HS3ST5: variants seen among roughly 807,000 people sequenced by gnomAD.
HS3ST5 encodes heparan sulfate glucosamine 3-O-sulfotransferase 5.
In HS3ST5, 10 loss-of-function variants were observed where a neutral mutation model predicts 25.4. The ratio of observed to expected loss-of-function variants is 0.39; its 90% CI spans 0.24 to 0.67. The LOEUF is 0.67. HS3ST5 is among the 30% of genes least tolerant of loss of function. The pLI is 0.44. For synonymous variants in HS3ST5, 170 were observed against 162.4 expected (o/e 1.05, Z -0.36); for missense variants, 324 against 420.7 (o/e 0.77, Z 2.01).
intron 3 of HS3ST5, among the ~76,000 whole-genome samples, chr6:114,095,223 G>T (rs1775358745): frequency 6.6e-6 from 1 of 152,200 alleles, no homozygotes; most frequent in African/African-American, 2.4e-5. Context: ...TGTATAAACA[G>T]TGATTAGTGC....
intron 2 of HS3ST5, among the ~76,000 whole-genome samples, chr6:114,207,901 A>G (rs1781346492): frequency 6.6e-6 from 1 of 152,126 alleles, no homozygotes; most frequent in Non-Finnish European, 1.5e-5. Context: ...TGTAATTCTG[A>G]GGGAAGTTTG....
chr6:114,325,264 G>C (rs549568039), intron 1 of HS3ST5, among the ~76,000 whole-genome samples: 1 of 152,252 alleles, frequency 6.6e-6, no homozygotes, highest in African/African-American at 2.4e-5. Flanking sequence ...AATTGATGAA[G>C]GGTTAAAATA....
chr6:114,262,674 A>G (rs1402526729), intron 1 of HS3ST5, among the ~76,000 whole-genome samples: 2 of 152,182 alleles, frequency 1.3e-5, no homozygotes, highest in East Asian at 3.8e-4. Context: ...TTCATATTAT[A>G]CATATATTTA....
intron 1 of HS3ST5, among the ~76,000 whole-genome samples, chr6:114,245,249 T>C (rs892495941): frequency 4.6e-5 from 7 of 152,162 alleles, no homozygotes; most frequent in African/African-American, 1.7e-4. Flanking sequence ...AAGATAAATA[T>C]GCTTTTCTGG....
intron 1 of HS3ST5, among the ~76,000 whole-genome samples, chr6:114,265,967 T>C (rs1204056461): frequency 1.3e-5 from 2 of 152,284 alleles, no homozygotes; most frequent in South Asian, 2.1e-4. Flanking sequence ...TGTCCATGAC[T>C]CCCACATTGA....
chr6:114,099,523 T>C (rs943233013), intron 3 of HS3ST5, among the ~76,000 whole-genome samples: 5 of 152,154 alleles, frequency 3.3e-5, no homozygotes, highest in East Asian at 1.9e-4. Context: ...GCAAAAGTCA[T>C]TGAGTAATCA....
chr6:114,326,681 T>C (rs114294332), intron 1 of HS3ST5, among the ~76,000 whole-genome samples: 2,309 of 152,278 alleles, frequency 0.015, 53 homozygotes, highest in African/African-American at 0.051. Context: ...TTGAAGTCTT[T>C]AGATTTTTTT....
chr6:114,212,813 G>A (rs1582721035), intron 2 of HS3ST5, among the ~76,000 whole-genome samples: 2 of 152,154 alleles, frequency 1.3e-5, no homozygotes, highest in South Asian at 2.1e-4. Flanking sequence ...CAAGGGACTC[G>A]AGAAAGGGGT....
chr6:114,325,500 C>T (rs1776137738), intron 1 of HS3ST5, among the ~76,000 whole-genome samples: 1 of 152,144 alleles, frequency 6.6e-6, no homozygotes, highest in South Asian at 2.1e-4. Flanking sequence ...TGGGATATAA[C>T]TGTTGAACAT....
At chr6:114,079,218 T>C (rs2114757242) in intron 3 of HS3ST5, among the ~76,000 whole-genome samples, 1 of 152,328 alleles carries the variant, frequency 6.6e-6, no homozygotes, top group South Asian at 2.1e-4. Flanking sequence ...CTTCTTTTTA[T>C]GAAAGAGTTT....
chr6:114,074,597 G>A (rs1268855917), intron 3 of HS3ST5, among the ~76,000 whole-genome samples: 1 of 152,014 alleles, frequency 6.6e-6, no homozygotes, highest in Non-Finnish European at 1.5e-5. Context: ...TCAATTCTGA[G>A]ACCCCTGTGA....
At chr6:114,209,479 CA>C (rs1781422829) in intron 2 of HS3ST5, among the ~76,000 whole-genome samples, 1 of 151,666 alleles carries the variant, frequency 6.6e-6, no homozygotes, top group Non-Finnish European at 1.5e-5. Flanking sequence ...TGTATTCTTT[CA>C]GCTTTTCTAT....
At chr6:114,282,948 T>G (rs1774185713) in intron 1 of HS3ST5, among the ~76,000 whole-genome samples, 2 of 151,982 alleles carry the variant, frequency 1.3e-5, no homozygotes, top group East Asian at 3.9e-4. Context: ...ATTTATATAC[T>G]TTGGTAGTCA....
intron 1 of HS3ST5, among the ~76,000 whole-genome samples, chr6:114,320,914 C>CTCTCTA (rs1491517323): frequency 2.3e-4 from 31 of 135,728 alleles, no homozygotes; most frequent in African/African-American, 8.6e-4. Flanking sequence ...CTCTCTCTCT[C>CTCTCTA]TATATATATA....
chr6:114,191,053 T>C (rs778634101), intron 2 of HS3ST5, among the ~76,000 whole-genome samples: 1 of 152,208 alleles, frequency 6.6e-6, no homozygotes, highest in Non-Finnish European at 1.5e-5. Context: ...TGACTTCAAC[T>C]GTTGACATGT....
intron 3 of HS3ST5, among the ~76,000 whole-genome samples, chr6:114,108,531 C>G (rs1323386827): frequency 6.6e-6 from 1 of 152,112 alleles, no homozygotes; most frequent in Non-Finnish European, 1.5e-5. Flanking sequence ...CACACTGGAA[C>G]CCAGAAGGGA....
At chr6:114,294,662 T>C (rs1774737416) in intron 1 of HS3ST5, among the ~76,000 whole-genome samples, 2 of 152,090 alleles carry the variant, frequency 1.3e-5, no homozygotes, top group Admixed American at 6.5e-5. Context: ...CTCCATCTCC[T>C]GACCTCGTGA....
chr6:114,285,388 A>C (rs1390554971), intron 1 of HS3ST5, among the ~76,000 whole-genome samples: 1 of 151,974 alleles, frequency 6.6e-6, no homozygotes, highest in Admixed American at 6.6e-5. Context: ...ACACACCCCT[A>C]TGAAACAAGT....
intron 2 of HS3ST5, among the ~76,000 whole-genome samples, chr6:114,180,088 G>T (rs1779902501): frequency 6.6e-6 from 1 of 152,076 alleles, no homozygotes; most frequent in Non-Finnish European, 1.5e-5. Flanking sequence ...TCCTGAAGGT[G>T]GGTCTTCCTC....
Sources: allele counts gnomAD v4.1 joint callset (sites outside exome capture counted in the v4.1 genomes callset), GRCh38; gene constraint gnomAD v4.1.1; transcripts MANE v1.5; gene names NCBI Gene and HGNC (gene_info 2026-07-23, HGNC 2026-07-21).